Variants in KCNIP4 observed in about 807,000 individuals in gnomAD.
The protein encoded by KCNIP4 is potassium voltage-gated channel interacting protein 4.
Under a neutral mutation model 34.0 loss-of-function variants are expected in KCNIP4, and 12 were observed. The ratio of observed to expected loss-of-function variants is 0.35; its 90% CI spans 0.23 to 0.57. The LOEUF is 0.57. KCNIP4 is among the 20% of genes least tolerant of loss of function. The pLI, the probability that KCNIP4 is intolerant of heterozygous loss-of-function variation, is 0.83. For synonymous variants in KCNIP4, 124 were observed against 102.2 expected (o/e 1.21, Z -1.29); for missense variants, 238 against 311.7 (o/e 0.76, Z 1.78).
chr4:21,245,038 G>GT (rs1354443130), intron 1 of KCNIP4, among the ~76,000 whole-genome samples: 1 of 152,160 alleles, frequency 6.6e-6, no homozygotes, highest in Non-Finnish European at 1.5e-5. Flanking sequence ...TCGTATACGA[G>GT]TAACAACCCA....
chr4:21,532,469 G>C (rs1028345364), intron 1 of KCNIP4, among the ~76,000 whole-genome samples: 2 of 152,126 alleles, frequency 1.3e-5, no homozygotes, highest in African/African-American at 4.8e-5. Flanking sequence ...CACAGGAAAA[G>C]TTTCTCTCCA....
chr4:21,687,682 A>G (rs1750921649), intron 1 of KCNIP4, among the ~76,000 whole-genome samples: 1 of 152,118 alleles, frequency 6.6e-6, no homozygotes, highest in African/African-American at 2.4e-5. Context: ...TCCTGCTGTG[A>G]TGATTAAGAT....
chr4:21,140,463 C>G (rs1751858726), intron 1 of KCNIP4, among the ~76,000 whole-genome samples: 1 of 152,130 alleles, frequency 6.6e-6, no homozygotes, highest in African/African-American at 2.4e-5. Flanking sequence ...TTAACTAATG[C>G]ATCTAAAAGG....
rs181259103 is a variant in KCNIP4, at chr4:21,368,650, G to A, written c.62-485941C>T. On this transcript the variant is annotated intron_variant, in intron 1 of 8. Coordinates refer to ENST00000382152, the MANE Select transcript of KCNIP4 (RefSeq NM_025221.6). Reference sequence around the variant, plus strand: ...GCAGTCTGGTTCTAGAGCCTGTGAAGTTACTTATCGTACCATACTACCTAG... The same window carrying A: ...GCAGTCTGGTTCTAGAGCCTGTGAAATTACTTATCGTACCATACTACCTAG... Among the ~76,000 whole-genome samples the A allele has an allele frequency of 4.1e-5, 6 of 147,488 alleles. 1 individual carries two copies. The highest frequency in any genetic ancestry group is 1.3e-4 in the African/African-American group (5 of 37,130).
chr4:21,543,619 TGCTG>T (rs1737884640), intron 1 of KCNIP4, among the ~76,000 whole-genome samples: 1 of 152,182 alleles, frequency 6.6e-6, no homozygotes, highest in African/African-American at 2.4e-5. Flanking sequence ...AAATTTAAGC[TGCTG>T]GAACTTTAAA....
chr4:21,587,710 A>G (rs1481973783), intron 1 of KCNIP4, among the ~76,000 whole-genome samples: 2 of 152,086 alleles, frequency 1.3e-5, no homozygotes, highest in African/African-American at 4.8e-5. Flanking sequence ...CATAGGAATG[A>G]CCAAGAGAAC....
chr4:21,501,715 T>TGTGTGTGTGTGTGTGTGTGTGC (rs569245544), intron 1 of KCNIP4, among the ~76,000 whole-genome samples: 62 of 150,842 alleles, frequency 4.1e-4, no homozygotes, highest in African/African-American at 9.5e-4. Flanking sequence ...TGTGTGTGTG[T>TGTGTGTGTGTGTGTGTGTGTGC]GCGTTGGAAG....
In KCNIP4 at chr4:21,159,491, C is replaced by T. The variant is rs1753418872; in HGVS notation, c.62-276782G>A. Among the ~76,000 whole-genome samples the T allele has an allele frequency of 4.9e-5, 2 of 40,664 alleles. 1 individual carries two copies. Among genetic ancestry groups the T allele is most frequent in the Non-Finnish European group, 9.6e-5 (2 of 20,764 alleles). The allele number at this position is 40,664 out of a possible 152,430, so 26.7% of individuals were successfully genotyped here. On this transcript the variant is annotated intron_variant, in intron 1 of 8. Transcript: ENST00000382152. ...GATTTCTGCATTTCCATCTGAGGTA[C>T]CGGGTTCATCTCACTAGGGAGTGCC...
chr4:21,482,232 TA>T (rs1279600063), intron 1 of KCNIP4, among the ~76,000 whole-genome samples: 4 of 152,198 alleles, frequency 2.6e-5, no homozygotes, highest in Non-Finnish European at 5.9e-5. Flanking sequence ...GTTTCCTGAA[TA>T]TAGCACACTG....
intron 1 of KCNIP4, among the ~76,000 whole-genome samples, chr4:21,660,831 A>G (rs1030560871): frequency 1.3e-5 from 2 of 152,170 alleles, no homozygotes; most frequent in African/African-American, 2.4e-5. Flanking sequence ...AATTTCACTT[A>G]TATATATCTC....
At chr4:21,339,840 G>A (rs1458408392) in intron 1 of KCNIP4, among the ~76,000 whole-genome samples, 1 of 152,134 alleles carries the variant, frequency 6.6e-6, no homozygotes, top group Non-Finnish European at 1.5e-5. Flanking sequence ...TTCAGAATTT[G>A]AATTACATAA....
chr4:20,921,659 A>G (rs1026135539), intron 1 of KCNIP4, among the ~76,000 whole-genome samples: 1 of 152,240 alleles, frequency 6.6e-6, no homozygotes, highest in African/African-American at 2.4e-5. Context: ...ATAGAATTGC[A>G]GAATTTAAAT....
At chr4:21,269,793 G>A (rs1762032031) in intron 1 of KCNIP4, among the ~76,000 whole-genome samples, 1 of 152,004 alleles carries the variant, frequency 6.6e-6, no homozygotes, top group African/African-American at 2.4e-5. Context: ...AAAAGTTGGG[G>A]GGAAGAAAAG....
intron 1 of KCNIP4, among the ~76,000 whole-genome samples, chr4:21,356,770 C>T (rs1718651444): frequency 6.6e-6 from 1 of 152,086 alleles, no homozygotes; most frequent in African/African-American, 2.4e-5. Context: ...CAATGCCATC[C>T]CCATCAAGCT....
intron 1 of KCNIP4, among the ~76,000 whole-genome samples, chr4:21,254,944 C>T (rs1339945689): frequency 6.6e-6 from 1 of 152,166 alleles, no homozygotes; most frequent in Non-Finnish European, 1.5e-5. Context: ...TCACTGCCAC[C>T]CGTCCCCAGA....
intron 1 of KCNIP4, among the ~76,000 whole-genome samples, chr4:21,110,460 G>A (rs750671758): frequency 2.0e-5 from 3 of 152,206 alleles, no homozygotes; most frequent in Admixed American, 6.5e-5. Context: ...ATCTATGGGA[G>A]TCATCGTGTC....
At chr4:21,375,159 A>G (rs1335003455) in intron 1 of KCNIP4, among the ~76,000 whole-genome samples, 1 of 146,762 alleles carries the variant, frequency 6.8e-6, no homozygotes, top group East Asian at 2.0e-4. Flanking sequence ...CTAGAGGTGC[A>G]TTAGTCGTAA....
chr4:20,868,951 T>C (rs1013447241), intron 2 of KCNIP4, among the ~76,000 whole-genome samples: 2 of 152,078 alleles, frequency 1.3e-5, no homozygotes, highest in Admixed American at 1.3e-4. Context: ...TCTGAACATG[T>C]ACCTACTGTA....
intron 1 of KCNIP4, among the ~76,000 whole-genome samples, chr4:21,871,936 C>A (rs903035570): frequency 2.0e-5 from 3 of 152,030 alleles, no homozygotes; most frequent in South Asian, 2.1e-4. Flanking sequence ...AACCACACTG[C>A]AGTTTTCCCT....
Sources: allele counts gnomAD v4.1 joint callset (sites outside exome capture counted in the v4.1 genomes callset), GRCh38; gene constraint gnomAD v4.1.1; transcripts MANE v1.5; gene names NCBI Gene and HGNC (gene_info 2026-07-23, HGNC 2026-07-21).